The following MSI2 variants were observed in gnomAD, a reference collection of about 807,000 sequenced individuals.
The protein encoded by MSI2 is RNA-binding protein Musashi homolog 2.
MSI2 carries 17 observed loss-of-function variants against 45.6 expected under a neutral mutation model. That is an observed-to-expected ratio of 0.37 (90% CI 0.26 to 0.56). The LOEUF (loss-of-function observed/expected upper bound fraction) is 0.56. Among genes scored for constraint, MSI2 ranks in the 20% least tolerant of loss-of-function variants. The probability of loss-of-function intolerance (pLI) is 0.77; values close to 1 mark genes in which losing one functional copy is unlikely to be tolerated. For synonymous variants in MSI2, 156 were observed against 158.2 expected, an observed-to-expected ratio of 0.99 and a Z score of 0.11; for missense variants, 293 against 444.2, an observed-to-expected ratio of 0.66 and a Z score of 3.06.
chr17:57,482,325 G>A (rs2085663567), intron 6 of MSI2, among the ~76,000 whole-genome samples: 1 of 152,204 alleles, frequency 6.6e-6, no homozygotes, highest in Non-Finnish European at 1.5e-5. Context: ...TCACGCTACA[G>A]TAAATGCCTG....
chr17:57,344,920 G>A (rs1434722229), intron 5 of MSI2, among the ~76,000 whole-genome samples: 1 of 151,546 alleles, frequency 6.6e-6, no homozygotes, highest in Non-Finnish European at 1.5e-5. Context: ...AAAATTAGCC[G>A]GGCATGGTGG....
At chr17:57,288,453 CT>C (rs1261095815) in intron 5 of MSI2, among the ~76,000 whole-genome samples, 2 of 152,342 alleles carry the variant, frequency 1.3e-5, no homozygotes, top group East Asian at 1.9e-4. Context: ...AATCTTCCCC[CT>C]AACCTTCCTG....
Position 57,562,215 on chromosome 17 carries a change from C to T in MSI2, c.454+32491C>T, listed in dbSNP as rs186043772. On this transcript the variant is annotated intron_variant, in intron 7 of 13. Transcript: ENST00000284073. ...CCTTATATCCCTTCACCCATCCGCACATCCAGTAAACAGTGATTGGTAAGC... is the reference window on the plus strand; with the variant it reads ...CCTTATATCCCTTCACCCATCCGCATATCCAGTAAACAGTGATTGGTAAGC... 8.5e-5 allele frequency among the ~76,000 whole-genome samples: 13 copies of T among 152,360 alleles called. No homozygotes were observed. In the East Asian group the frequency reaches 2.5e-3, roughly 29 times the overall value.
chr17:57,637,051 A>C (rs1909890593), intron 10 of MSI2, among the ~76,000 whole-genome samples: 1 of 152,134 alleles, frequency 6.6e-6, no homozygotes, highest in African/African-American at 2.4e-5. Context: ...TAATCTGAAC[A>C]TCCCTTCAGC....
chr17:57,372,827 A>G (rs2083439813), intron 5 of MSI2, among the ~76,000 whole-genome samples: 1 of 152,068 alleles, frequency 6.6e-6, no homozygotes, highest in Admixed American at 6.5e-5. Flanking sequence ...GTGATTTGAA[A>G]TCCGCCACCC....
At chr17:57,284,321 C>A (rs1405951506) in intron 5 of MSI2, among the ~76,000 whole-genome samples, 1 of 152,076 alleles carries the variant, frequency 6.6e-6, no homozygotes, top group African/African-American at 2.4e-5. Context: ...CCTGCCCCTG[C>A]CATCCACCCC....
chr17:57,691,241 A>ATCTATCTG, the MSI2 span, among the ~76,000 whole-genome samples: 1 of 146,548 alleles, frequency 6.8e-6, no homozygotes, highest in Non-Finnish European at 1.5e-5. Flanking sequence ...CTATCTATCT[A>ATCTATCTG]TATTGCCATA....
At chr17:57,505,494 G>A (rs2074296478) in intron 6 of MSI2, among the ~76,000 whole-genome samples, 1 of 152,082 alleles carries the variant, frequency 6.6e-6, no homozygotes, top group African/African-American at 2.4e-5. Context: ...AAAAGGGGTG[G>A]GGTCTTCCAG....
chr17:57,390,415 G>T (rs2083768479), intron 5 of MSI2, among the ~76,000 whole-genome samples: 1 of 152,136 alleles, frequency 6.6e-6, no homozygotes, highest in Non-Finnish European at 1.5e-5. Context: ...GATCCCTGAG[G>T]GTGGGGCCCA....
chr17:57,348,379 G>A (rs1381978729), intron 5 of MSI2, among the ~76,000 whole-genome samples: 4 of 152,170 alleles, frequency 2.6e-5, no homozygotes, highest in Admixed American at 1.3e-4. Flanking sequence ...GATGTGGTTC[G>A]GATATGTGTC....
chr17:57,575,936 C>A (rs1246735096), intron 7 of MSI2, among the ~76,000 whole-genome samples: 1 of 109,064 alleles, frequency 9.2e-6, no homozygotes, highest in Non-Finnish European at 1.9e-5. Context: ...CAGAGCGAGA[C>A]TCCGTCTCAA....
chr17:57,313,706 C>G (rs917811298), intron 5 of MSI2, among the ~76,000 whole-genome samples: 1 of 152,208 alleles, frequency 6.6e-6, no homozygotes, highest in Non-Finnish European at 1.5e-5. Flanking sequence ...GCTTTCAGTT[C>G]GGTCCGGTTC....
At chr17:57,638,186 C>T (rs771036150) in intron 10 of MSI2, among the ~76,000 whole-genome samples, 2 of 152,196 alleles carry the variant, frequency 1.3e-5, no homozygotes, top group East Asian at 1.9e-4. Flanking sequence ...TGTGTCCCCC[C>T]ACCCTCTCCT....
intron 5 of MSI2, among the ~76,000 whole-genome samples, chr17:57,344,817 A>G (rs1371905996): frequency 1.3e-5 from 2 of 152,174 alleles, no homozygotes; most frequent in Admixed American, 1.3e-4. Flanking sequence ...CCACTACAAA[A>G]GACTGGCCTA....
At chr17:57,393,550 A>G (rs950187747) in intron 5 of MSI2, among the ~76,000 whole-genome samples, 7 of 151,986 alleles carry the variant, frequency 4.6e-5, no homozygotes, top group Non-Finnish European at 8.8e-5. Context: ...GGGTTGTTCT[A>G]TTTTTTGGCT....
chr17:57,537,363 G>A (rs1166874840), intron 7 of MSI2, among the ~76,000 whole-genome samples: 1 of 152,210 alleles, frequency 6.6e-6, no homozygotes, highest in Non-Finnish European at 1.5e-5. Context: ...GAGGGCAAAG[G>A]AGGGGGTGGG....
At chr17:57,476,711 T>C (rs376169705) in intron 6 of MSI2, among the ~76,000 whole-genome samples, 1 of 152,200 alleles carries the variant, frequency 6.6e-6, no homozygotes, top group African/African-American at 2.4e-5. Flanking sequence ...CTAAACACTT[T>C]GGATATATTA....
intron 6 of MSI2, among the ~76,000 whole-genome samples, chr17:57,418,404 T>A (rs1205095449): frequency 1.3e-5 from 2 of 152,216 alleles, no homozygotes; most frequent in African/African-American, 4.8e-5. Flanking sequence ...TCTGATGCCA[T>A]CCCTCCAAGA....
intron 5 of MSI2, among the ~76,000 whole-genome samples, chr17:57,336,941 G>A (rs1429168003): frequency 2.6e-5 from 4 of 152,122 alleles, no homozygotes; most frequent in Non-Finnish European, 5.9e-5. Flanking sequence ...GCTGTTCTGG[G>A]CTGCAGTCAT....
Sources: gnomAD v4.1 joint callset for allele counts (sites outside exome capture counted in the v4.1 genomes callset) on GRCh38, gnomAD v4.1.1 for gene constraint, MANE v1.5 for transcripts, NCBI Gene and HGNC (gene_info 2026-07-23, HGNC 2026-07-21) for gene names.